BABAM2: variants seen among roughly 807,000 people sequenced by gnomAD.
BABAM2 encodes the protein BRISC and BRCA1 A complex member 2, also known as BRISC and BRCA1-A complex member 2.
Under a neutral mutation model 54.7 loss-of-function variants are expected in BABAM2, and 31 were observed. The ratio of observed to expected loss-of-function variants is 0.57; its 90% CI spans 0.43 to 0.77. The LOEUF (loss-of-function observed/expected upper bound fraction) is 0.77, where lower values mean the gene tolerates loss of function less well. Among genes scored for constraint, BABAM2 ranks in the 30% least tolerant of loss-of-function variants. BABAM2 has a pLI of 0.00. For missense variants in BABAM2, 364 were observed against 455.8 expected (o/e 0.80, Z 1.83); for synonymous variants, 167 against 162.9 (o/e 1.03, Z -0.19).
At chr2:28,272,930 G>A (rs1349790574) in intron 10 of BABAM2, among the ~76,000 whole-genome samples, 2 of 152,128 alleles carry the variant, frequency 1.3e-5, no homozygotes, top group Non-Finnish European at 2.9e-5. Context: ...GGAGAGGCTG[G>A]GATCTGTCTC....
chr2:28,065,978 T>TAAAAAAAAA (rs756592657), intron 6 of BABAM2, among the ~76,000 whole-genome samples: 1 of 91,878 alleles, frequency 1.1e-5, no homozygotes, highest in Non-Finnish European at 2.2e-5. Context: ...CTGTCTCTAC[T>TAAAAAAAAA]AAAAAAAAAA....
intron 7 of BABAM2, among the ~76,000 whole-genome samples, chr2:28,181,888 G>A (rs981110587): frequency 6.6e-6 from 1 of 152,060 alleles, no homozygotes; most frequent in African/African-American, 2.4e-5. Flanking sequence ...GGGTGGCAAG[G>A]GAAAAGCTTC....
intron 4 of BABAM2, among the ~76,000 whole-genome samples, chr2:28,018,881 G>A (rs1168876505): frequency 3.3e-5 from 5 of 152,110 alleles, no homozygotes; most frequent in Non-Finnish European, 7.4e-5. Flanking sequence ...TGTGCAGGAC[G>A]TGCAGGTTTG....
At chr2:27,923,470 T>A (rs1205994082) in intron 2 of BABAM2, among the ~76,000 whole-genome samples, 6 of 146,244 alleles carry the variant, frequency 4.1e-5, no homozygotes, top group Non-Finnish European at 7.5e-5. Context: ...AAAAAAAAAA[T>A]TTAGCTGAGT....
At chr2:28,224,661 A>G (rs1573878420) in intron 7 of BABAM2, among the ~76,000 whole-genome samples, 1 of 152,212 alleles carries the variant, frequency 6.6e-6, no homozygotes, top group African/African-American at 2.4e-5. Context: ...AAAGAAGCAA[A>G]CAGTCCCCAT....
intron 6 of BABAM2, among the ~76,000 whole-genome samples, chr2:28,077,584 G>A (rs1664798404): frequency 1.3e-5 from 2 of 152,070 alleles, no homozygotes; most frequent in South Asian, 4.2e-4. Flanking sequence ...TTTTTTGAGG[G>A]GAGGGGACAA....
At chr2:28,326,083 T>C (rs531607623) in intron 11 of BABAM2, among the ~76,000 whole-genome samples, 6 of 152,300 alleles carry the variant, frequency 3.9e-5, no homozygotes, top group Non-Finnish European at 8.8e-5. Flanking sequence ...ACATTCCAGG[T>C]TCAGCTCTGC....
chr2:28,015,279 G>A (rs927587294), intron 4 of BABAM2, among the ~76,000 whole-genome samples: 4 of 152,054 alleles, frequency 2.6e-5, no homozygotes, highest in African/African-American at 9.7e-5. Flanking sequence ...TCCTTCCCCA[G>A]GTAAATAAAG....
intron 3 of BABAM2, among the ~76,000 whole-genome samples, chr2:27,973,349 C>T (rs1171960995): frequency 2.0e-5 from 3 of 151,942 alleles, no homozygotes; most frequent in African/African-American, 7.2e-5. Flanking sequence ...GCACTATGCA[C>T]TGGGCAAGGA....
At chr2:27,900,408 TTA>T (rs1665688691) in intron 2 of BABAM2, among the ~76,000 whole-genome samples, 1 of 152,040 alleles carries the variant, frequency 6.6e-6, no homozygotes, top group African/African-American at 2.4e-5. Flanking sequence ...TATATTTCTC[TTA>T]TGTTATCTAG....
chr2:28,037,360 G>A (rs1014642697), intron 5 of BABAM2, among the ~76,000 whole-genome samples: 1 of 151,954 alleles, frequency 6.6e-6, no homozygotes. Flanking sequence ...ATATAGCTCA[G>A]AGATTTTTTC....
At chr2:27,934,703 A>G (rs1207336403) in intron 3 of BABAM2, among the ~76,000 whole-genome samples, 1 of 152,266 alleles carries the variant, frequency 6.6e-6, no homozygotes, top group African/African-American at 2.4e-5. Flanking sequence ...TAGTAAACAC[A>G]TGAATTATAA....
chr2:28,026,829 T>A (rs1299854356), intron 5 of BABAM2, among the ~76,000 whole-genome samples: 1 of 53,572 alleles, frequency 1.9e-5, no homozygotes, highest in Non-Finnish European at 3.6e-5. Context: ...TATTTATATA[T>A]ATAAATATAT....
At chr2:27,913,039 A>G (rs950717844) in intron 2 of BABAM2, among the ~76,000 whole-genome samples, 9 of 152,212 alleles carry the variant, frequency 5.9e-5, no homozygotes, top group African/African-American at 2.2e-4. Context: ...TTCAGCATCT[A>G]AAGATTCTTC....
intron 10 of BABAM2, among the ~76,000 whole-genome samples, chr2:28,259,074 CTTTTTT>C (rs70956009): frequency 1.3e-4 from 3 of 23,424 alleles, no homozygotes; most frequent in East Asian, 3.8e-3. Context: ...TGCACCTGGC[CTTTTTT>C]TTTTTTTTTT....
intron 5 of BABAM2, among the ~76,000 whole-genome samples, chr2:28,043,868 G>C (rs922308795): frequency 2.0e-5 from 3 of 152,168 alleles, no homozygotes; most frequent in African/African-American, 7.2e-5. Flanking sequence ...GTTGAGTTGT[G>C]AGTAGCCTGC....
chr2:28,124,264 C>T (rs1286240055), intron 6 of BABAM2, among the ~76,000 whole-genome samples: 1 of 152,196 alleles, frequency 6.6e-6, no homozygotes, highest in African/African-American at 2.4e-5. Flanking sequence ...TCTTCAAGCT[C>T]AGCTTTAACC....
chr2:28,223,557 C>T (rs1315440785), intron 7 of BABAM2, among the ~76,000 whole-genome samples: 1 of 152,194 alleles, frequency 6.6e-6, no homozygotes, highest in Non-Finnish European at 1.5e-5. Flanking sequence ...GTACTCTCTG[C>T]TTATTGGGCA....
chr2:28,198,593 T>C (rs1677891924), intron 7 of BABAM2, among the ~76,000 whole-genome samples: 1 of 152,220 alleles, frequency 6.6e-6, no homozygotes, highest in Admixed American at 6.5e-5. Flanking sequence ...TCCTGCTGTG[T>C]GTCCATAGTA....
Sources: gnomAD v4.1 joint callset for allele counts (sites outside exome capture counted in the v4.1 genomes callset) on GRCh38, gnomAD v4.1.1 for gene constraint, MANE v1.5 for transcripts, NCBI Gene and HGNC (gene_info 2026-07-23, HGNC 2026-07-21) for gene names.